Variants in DLD observed in about 807,000 individuals in gnomAD.
DLD encodes dihydrolipoyl dehydrogenase, mitochondrial.
In DLD, 36 loss-of-function variants were observed where a neutral mutation model predicts 62.2. The ratio of observed to expected loss-of-function variants is 0.58; its 90% confidence interval spans 0.44 to 0.76. The LOEUF (loss-of-function observed/expected upper bound fraction) is 0.76, where lower values mean the gene tolerates loss of function less well. Ranked by LOEUF, DLD falls within the 30% of genes least tolerant of loss-of-function variation. The pLI, the probability that DLD is intolerant of heterozygous loss-of-function variation, is 0.00. For missense variants in DLD, 541 were observed against 608.6 expected (o/e 0.89, Z 1.17); for synonymous variants, 204 against 199.6 (o/e 1.02, Z -0.19).
At chr7:107,917,149 AGAGCTGCATTT>A (rs2032290300) in intron 10 of DLD, 113 bp from the exon 11 acceptor site, 1 of 1,250,892 alleles carries the variant, frequency 8.0e-7, no homozygotes. Context: ...AGATTTTTGA[AGAGCTGCATTT>A]GATGTATTTT....
rs140821639 is a variant in DLD at position 107,905,503 on chromosome 7, C to T, written c.581C>T (p.Thr194Met). 1.8e-4 allele frequency: 297 copies of T among 1,613,322 alleles called. No individual in the cohort carries two copies. Among genetic ancestry groups the T allele is most frequent in the Non-Finnish European group, 2.2e-4 (257 of 1,179,514 alleles). Residue 194 changes from threonine (T) to methionine (M), a missense_variant and splice_region_variant, in exon 7 of 14, where the codon ACG becomes ATG. Transcript: ENST00000205402. Reference protein sequence around the residue: ...GSEVTPFPGITIDEDTIVSST... With the variant: ...GSEVTPFPGIMIDEDTIVSST... ...GAAGTTACTCCTTTTCCTGGAATCA[C>T]GGTATTTATGCTTCATAATTTACAA...
chr7:107,904,604 C>G (rs2031957745), intron 5 of DLD: 1 of 424,184 alleles, frequency 2.4e-6, no homozygotes, highest in Non-Finnish European at 4.6e-6. Flanking sequence ...TAGCATTTTC[C>G]TTTATTTAAA....
At chr7:107,915,461 T>C (rs748776986) in intron 8 of DLD, 45 bp from the exon 9 acceptor site, 6 of 1,581,758 alleles carry the variant, frequency 3.8e-6, no homozygotes, top group Non-Finnish European at 4.3e-6. Context: ...AAACATTTGC[T>C]ATAGAAACTT....
chr7:107,905,332 T>C, intron 6 of DLD, 29 bp from the exon 7 acceptor site: 1 of 1,594,950 alleles, frequency 6.3e-7, no homozygotes, highest in African/African-American at 1.3e-5. Context: ...CTTTAAACTT[T>C]GTGAATTTAT....
At chr7:107,896,437 T>C (rs1214192565) in intron 2 of DLD, among the ~76,000 whole-genome samples, 1 of 152,228 alleles carries the variant, frequency 6.6e-6, no homozygotes, top group Non-Finnish European at 1.5e-5. Flanking sequence ...CCATGTTGTA[T>C]CAAAGCCCAG....
At position 107,903,492 on chromosome 7, in the gene DLD, C is replaced by T. The variant is rs144617361; in HGVS notation, c.282C>T (p.Asn94=). The change falls in exon 5 of 14, where the codon AAC becomes AAT. Residue 94 remains asparagine, a synonymous_variant. Transcript: ENST00000205402. Reference sequence around the variant, plus strand: ...ATTTCCTTTAGGCTTTATTGAACAACTCTCATTATTACCATATGGCCCATG... The same window carrying T: ...ATTTCCTTTAGGCTTTATTGAACAATTCTCATTATTACCATATGGCCCATG... ...GCIPSKALLN[N]SHYYHMAHGK... 3.1e-5 allele frequency: 49 copies of T among 1,588,066 alleles called. No homozygotes were observed. The African/African-American group carries it at 5.5e-4, about 18-fold the overall frequency.
At position 107,906,185 on chromosome 7, in the gene DLD, AT is replaced by A. The variant is rs540793307; in HGVS notation, c.583-79del. On this transcript the variant is annotated intron_variant, in intron 7 of 13. Transcript: ENST00000205402. ...AATTAATGGTTGGTTAAATCTGCAA[AT>A]TTGGAACCCATGGATATGGAGGGTC... 155 of 842,670 alleles carry A rather than the reference AT, an allele frequency of 1.8e-4. No individual in the cohort carries two copies. In the African/African-American group the frequency reaches 2.4e-3, roughly 13 times the overall value. 52.2% of individuals were successfully genotyped at this position (842,670 alleles called of 1,614,324 possible). A position where few individuals can be genotyped will look rare whatever the true frequency, so the allele number is the denominator to read the frequency against.
rs1385977491 is a variant in DLD, at chr7:107,908,371, G to A, written c.684+2003G>A. 9.2e-5 allele frequency among the ~76,000 whole-genome samples: 14 copies of A among 151,702 alleles called. No individual in the cohort carries two copies. The South Asian group carries it at 1.0e-3, about 11-fold the overall frequency. On this transcript the variant is annotated intron_variant, in intron 8 of 13. Transcript: ENST00000205402. ...TCACCATATTGGTCAGGCTGGTCTC[G>A]AACTCCTGACCTTGTGATGCGCATG...
At chr7:107,907,335 C>G (rs900585460) in intron 8 of DLD, among the ~76,000 whole-genome samples, 4 of 152,190 alleles carry the variant, frequency 2.6e-5, no homozygotes, top group Non-Finnish European at 5.9e-5. Flanking sequence ...CTCAGCCTTG[C>G]TGACAGTTTA....
intron 10 of DLD, 70 bp downstream of exon 10, chr7:107,917,034 G>A: frequency 6.7e-7 from 1 of 1,489,240 alleles, no homozygotes; most frequent in Non-Finnish European, 9.3e-7. Context: ...TGAAAAGTAA[G>A]ATTTTTATGC....
intron 4 of DLD, 127 bp from the exon 5 acceptor site, chr7:107,903,351 T>C (rs537481668): frequency 1.6e-6 from 1 of 623,460 alleles, no homozygotes; most frequent in African/African-American, 1.8e-5. Flanking sequence ...GCACTCCAGC[T>C]TGGGCAATAA....
intron 4 of DLD, among the ~76,000 whole-genome samples, chr7:107,902,927 A>G (rs1051603532): frequency 2.6e-5 from 4 of 152,024 alleles, no homozygotes; most frequent in African/African-American, 9.7e-5. Context: ...AGAGAATGCC[A>G]TGTCTTTTTT....
At chr7:107,900,157 A>G (rs1159487586) in intron 2 of DLD, among the ~76,000 whole-genome samples, 1 of 152,074 alleles carries the variant, frequency 6.6e-6, no homozygotes, top group African/African-American at 2.4e-5. Flanking sequence ...ACCAAAGAGA[A>G]TCTAGTATTT....
In DLD at chr7:107,891,278, T is replaced by C. The variant is rs191765528; in HGVS notation, c.28T>C (p.Ser10Pro). MQSWSRVYC[S>P]LAKRGHFNRI... ...GCAGAGCTGGAGTCGTGTGTACTGC[T>C]CCTTGGCCAAGGTGAGGGCCGAGTA... is the stretch of plus-strand genomic sequence containing the variant. The change falls in exon 1 of 14, where the codon TCC becomes CCC. Residue 10 changes from serine to proline, a missense_variant. Transcript: ENST00000205402. The C allele has an allele frequency of 1.9e-6, 3 of 1,614,084 alleles. No homozygotes were observed. In the Admixed American group the frequency reaches 5.0e-5, roughly 27 times the overall value.
chr7:107,903,262 G>C (rs1056733129), intron 4 of DLD, among the ~76,000 whole-genome samples: 1 of 152,144 alleles, frequency 6.6e-6, no homozygotes, highest in Non-Finnish European at 1.5e-5. Context: ...GCCAGGCGTG[G>C]TGATGCATGC....
In DLD at chr7:107,897,641, C is replaced by T. The variant is rs114257251; in HGVS notation, c.119-4097C>T. Among the ~76,000 whole-genome samples, 1,346 of 139,762 alleles carry T rather than the reference C, an allele frequency of 9.6e-3. 20 individuals are homozygous for T. Among genetic ancestry groups the T allele is most frequent in the African/African-American group, 0.035 (1,275 of 36,242 alleles). The allele number at this position is 139,762 out of a possible 152,430, so 91.7% of individuals were successfully genotyped here. A position where few individuals can be genotyped will look rare whatever the true frequency, so the allele number is the denominator to read the frequency against. On this transcript the variant is annotated intron_variant, in intron 2 of 13. Coordinates refer to ENST00000205402, the MANE Select transcript of DLD (RefSeq NM_000108.5). ...TCATGCAAGCTGGGGTGCAATGGTG[C>T]GATCTTGGTTCACTGCAACTTCCAC...
At chr7:107,918,812 T>C (rs750187783) in intron 12 of DLD, among the ~76,000 whole-genome samples, 198 bp from the exon 13 acceptor site, 3 of 152,238 alleles carry the variant, frequency 2.0e-5, no homozygotes, top group East Asian at 3.8e-4. Context: ...TAGATATGAA[T>C]TGAAGGCCCT....
chr7:107,912,517 C>G (rs950217314), intron 8 of DLD, among the ~76,000 whole-genome samples: 1 of 152,110 alleles, frequency 6.6e-6, no homozygotes, highest in Admixed American at 6.5e-5. Context: ...TGATAAAAGC[C>G]ATTTTAACTG....
intron 11 of DLD, 103 bp from the exon 12 acceptor site, chr7:107,917,821 T>C: frequency 6.7e-7 from 1 of 1,487,556 alleles, no homozygotes; most frequent in Non-Finnish European, 9.3e-7. Context: ...TGCGAACAAT[T>C]CCCTTCTTGG....
Sources: gnomAD v4.1 joint callset for allele counts (sites outside exome capture counted in the v4.1 genomes callset) on GRCh38, gnomAD v4.1.1 for gene constraint, MANE v1.5 for transcripts, NCBI Gene and HGNC (gene_info 2026-07-23, HGNC 2026-07-21) for gene names.